TLE3: variants seen among roughly 807,000 people sequenced by gnomAD.
The protein encoded by TLE3 is transducin-like enhancer protein 3.
A neutral mutation model predicts 93.0 loss-of-function variants in TLE3; 14 were observed. The ratio of observed to expected loss-of-function variants is 0.15; its 90% confidence interval spans 0.10 to 0.24. TLE3 has a LOEUF of 0.24. Among genes scored for constraint, TLE3 ranks in the 10% least tolerant of loss-of-function variants. The pLI, the probability that TLE3 is intolerant of heterozygous loss-of-function variation, is 1.00. For missense variants in TLE3, 693 were observed against 1,046.6 expected, an observed-to-expected ratio of 0.66 and a Z score of 4.66; for synonymous variants, 451 against 425.0, an observed-to-expected ratio of 1.06 and a Z score of -0.75.
At chr15:70,067,536 G>C (rs2056887106) in intron 6 of TLE3, among the ~76,000 whole-genome samples, 2 of 152,186 alleles carry the variant, frequency 1.3e-5, no homozygotes, top group South Asian at 4.1e-4. Context: ...AGCAAGAGGG[G>C]TTGGTGGAAA....
At chr15:70,096,339 A>T (rs1412125360) in intron 1 of TLE3, 78 bp from the exon 2 acceptor site, 2 of 1,521,102 alleles carry the variant, frequency 1.3e-6, no homozygotes, top group East Asian at 2.5e-5. Flanking sequence ...CCCCTCCCCA[A>T]CGGCGCCCAA....
At chr15:70,079,654 G>A (rs1029851054) in intron 4 of TLE3, among the ~76,000 whole-genome samples, 3 of 151,718 alleles carry the variant, frequency 2.0e-5, no homozygotes, top group African/African-American at 7.3e-5. Flanking sequence ...AAAGCTGTTC[G>A]CTCAACATTT....
intron 10 of TLE3, among the ~76,000 whole-genome samples, chr15:70,059,020 A>G (rs1054668179): frequency 8.5e-5 from 13 of 152,174 alleles, no homozygotes; most frequent in African/African-American, 3.1e-4. Context: ...GGTCTTCCCA[A>G]TGTCAAACAC....
chr15:70,093,055 T>G (rs2058376353), intron 4 of TLE3, among the ~76,000 whole-genome samples: 1 of 152,194 alleles, frequency 6.6e-6, no homozygotes, highest in African/African-American at 2.4e-5. Context: ...TTTCAAGCAT[T>G]CTTCCGGGAC....
chr15:70,095,395 T>G, intron 3 of TLE3, 183 bp downstream of exon 3: 1 of 1,470,998 alleles, frequency 6.8e-7, no homozygotes, highest in Non-Finnish European at 9.0e-7. Flanking sequence ...CTCACCCTCC[T>G]CCAAGTGGCC....
intron 4 of TLE3, among the ~76,000 whole-genome samples, chr15:70,093,477 C>G (rs2058397752): frequency 6.6e-6 from 1 of 152,238 alleles, no homozygotes; most frequent in Non-Finnish European, 1.5e-5. Context: ...AGCAGAAAAT[C>G]CATTCAAGTC....
At chr15:70,054,892 A>G in intron 15 of TLE3, 157 bp downstream of exon 15, 1 of 1,271,068 alleles carries the variant, frequency 7.9e-7, no homozygotes, top group Non-Finnish European at 1.1e-6. Context: ...CCCCACACAC[A>G]GAAGGCACAA....
At chr15:70,061,297 TGACA>T (rs1462497296) in intron 8 of TLE3, among the ~76,000 whole-genome samples, 1 of 152,080 alleles carries the variant, frequency 6.6e-6, no homozygotes, top group East Asian at 1.9e-4. Context: ...CCTTTCCCTC[TGACA>T]GACAGGGAAA....
chr15:70,060,212 G>C (rs963877247), intron 9 of TLE3, among the ~76,000 whole-genome samples: 1 of 152,346 alleles, frequency 6.6e-6, no homozygotes, highest in East Asian at 1.9e-4. Context: ...CAGCCCCTTA[G>C]AGCCAAGTGG....
chr15:70,095,966 C>T (rs959977829), intron 2 of TLE3, 195 bp downstream of exon 2: 15 of 727,110 alleles, frequency 2.1e-5, no homozygotes, highest in Non-Finnish European at 3.1e-5. Context: ...CCACGGGCGG[C>T]GCTGGGAGCC....
At position 70,054,589 on chromosome 15, in the gene TLE3, C is replaced by T. The variant is rs990403338; in HGVS notation, c.1675G>A (p.Ala559Thr). Reference protein sequence around the residue: ...EASTLTIWDLASPTPRIKAEL... With the variant: ...EASTLTIWDLTSPTPRIKAEL... ...GCCTTGATGCGGGGCGTGGGCGAGG[C>T]CAGGTCCCAGATGGTGAGCGTGCTG... is the stretch of plus-strand genomic sequence containing the variant. The change falls in exon 16 of 20, where the codon GCC becomes ACC. Residue 559 changes from alanine (A) to threonine (T), a missense_variant. Ala to Thr is a moderately conservative substitution (Grantham distance 58, BLOSUM62 0). Around this residue, in one of 4 missense-constraint regions of TLE3, gnomAD observed 153 missense variants for 379.9 expected, o/e 0.40. Transcript: ENST00000451782. The T allele has an allele frequency of 6.2e-7, 1 of 1,613,482 alleles. No individual in the cohort carries two copies. The highest frequency in any genetic ancestry group is 8.5e-7 in the Non-Finnish European group (1 of 1,179,678).
Position 70,049,262 on chromosome 15 carries a change from G to A in TLE3, c.*835C>T, listed in dbSNP as rs967023968. 1 of 152,330 alleles carries A rather than the reference G, an allele frequency of 6.6e-6. No individual in the cohort carries two copies. Among genetic ancestry groups the A allele is most frequent in the Non-Finnish European group, 1.5e-5 (1 of 68,116 alleles). 9.4% of individuals were successfully genotyped at this position (152,330 alleles called of 1,614,324 possible). On this transcript the variant is annotated 3_prime_UTR_variant, in exon 20 of 20. Transcript: ENST00000451782. ...AGAGAGGGCAAGAGGCAGCCAGAGT[G>A]CAAGAGACCACAGAAAGCTCCATTT...
chr15:70,073,308 G>A (rs1268681478), intron 6 of TLE3, among the ~76,000 whole-genome samples: 1 of 152,156 alleles, frequency 6.6e-6, no homozygotes, highest in Non-Finnish European at 1.5e-5. Flanking sequence ...AGGTCACATC[G>A]GGGGAGAACC....
At chr15:70,078,844 G>C (rs112780846) in intron 4 of TLE3, among the ~76,000 whole-genome samples, 2 of 152,336 alleles carry the variant, frequency 1.3e-5, no homozygotes, top group African/African-American at 4.8e-5. Context: ...CAGTCTCTGG[G>C]AGAGCAGGGA....
At chr15:70,091,676 G>C (rs1050834822) in intron 4 of TLE3, among the ~76,000 whole-genome samples, 1 of 152,188 alleles carries the variant, frequency 6.6e-6, no homozygotes, top group Non-Finnish European at 1.5e-5. Context: ...GAGAGACAGA[G>C]AAACAGCCAG....
At chr15:70,095,345 C>A in intron 3 of TLE3, 2 of 1,427,212 alleles carry the variant, frequency 1.4e-6, no homozygotes, top group Non-Finnish European at 1.8e-6. Context: ...CAGAAGTCTC[C>A]GGCCTGGAAT....
intron 8 of TLE3, among the ~76,000 whole-genome samples, chr15:70,063,751 C>T (rs1044713632): frequency 2.0e-5 from 3 of 152,246 alleles, no homozygotes; most frequent in Admixed American, 6.5e-5. Context: ...AACAGAACCT[C>T]GGAGCCTCAG....
chr15:70,073,616 T>C (rs78598114), intron 6 of TLE3, among the ~76,000 whole-genome samples: 3,821 of 152,330 alleles, frequency 0.025, 159 homozygotes, highest in East Asian at 0.21. Context: ...AGTGCCCCTG[T>C]ATCTGTACCG....
intron 2 of TLE3, 199 bp downstream of exon 2, chr15:70,095,962 G>A: frequency 1.4e-6 from 1 of 711,962 alleles, no homozygotes; most frequent in Non-Finnish European, 2.3e-6. Context: ...GACCCCACGG[G>A]CGGCGCTGGG....
Sources: allele counts gnomAD v4.1 joint callset (sites outside exome capture counted in the v4.1 genomes callset), GRCh38; gene constraint gnomAD v4.1.1; regional missense constraint gnomAD v4.1.1; transcripts MANE v1.5; gene names NCBI Gene and HGNC (gene_info 2026-07-23, HGNC 2026-07-21).